The following STON2 variants were observed in gnomAD, a reference collection of about 807,000 sequenced individuals.
STON2 encodes the protein stonin-2.
In STON2, 29 loss-of-function variants were observed where a neutral mutation model predicts 65.7. The observed-to-expected ratio is 0.44, with a 90% CI of 0.33 to 0.60. The LOEUF is 0.60. STON2 is among the 20% of genes least tolerant of loss of function. The pLI is 0.03. For missense variants in STON2, 1,054 were observed against 1,118.1 expected (o/e 0.94, Z 0.82); for synonymous variants, 404 against 414.2 (o/e 0.98, Z 0.30).
chr14:81,391,441 G>A (rs1415136141), intron 3 of STON2, among the ~76,000 whole-genome samples: 2 of 152,116 alleles, frequency 1.3e-5, no homozygotes, highest in African/African-American at 4.8e-5. Context: ...CCATTATGTG[G>A]GGGCAGGAGT....
chr14:81,282,331 C>A (rs768580270), intron 5 of STON2, among the ~76,000 whole-genome samples: 2 of 152,200 alleles, frequency 1.3e-5, no homozygotes, highest in African/African-American at 4.8e-5. Flanking sequence ...CACCTAAAAT[C>A]TGCAGTCAAA....
chr14:81,375,899 T>C (rs994759751), intron 3 of STON2, among the ~76,000 whole-genome samples: 2 of 150,902 alleles, frequency 1.3e-5, no homozygotes, highest in Non-Finnish European at 3.0e-5. Context: ...TTAACTAGTA[T>C]CTAGTTGTCT....
chr14:81,380,279 C>T (rs1244672911), intron 3 of STON2, among the ~76,000 whole-genome samples: 1 of 152,130 alleles, frequency 6.6e-6, no homozygotes, highest in Non-Finnish European at 1.5e-5. Context: ...CAAATCAAAA[C>T]CACAATGAGA....
intron 4 of STON2, among the ~76,000 whole-genome samples, chr14:81,351,737 T>C (rs974619713): frequency 5.9e-5 from 9 of 152,188 alleles, no homozygotes; most frequent in Non-Finnish European, 1.3e-4. Context: ...AGTTCCCCAG[T>C]CCAGGCCACC....
At chr14:81,433,027 A>G (rs1023050202) in intron 1 of STON2, among the ~76,000 whole-genome samples, 4 of 152,220 alleles carry the variant, frequency 2.6e-5, no homozygotes, top group Admixed American at 2.6e-4. Flanking sequence ...GACCAGACTG[A>G]CTGATTCAGG....
chr14:81,374,673 C>T (rs916227529), intron 3 of STON2, among the ~76,000 whole-genome samples: 1 of 151,696 alleles, frequency 6.6e-6, no homozygotes, highest in Non-Finnish European at 1.5e-5. Flanking sequence ...ACTGTAAATA[C>T]AAAATTGAAT....
intron 3 of STON2, among the ~76,000 whole-genome samples, chr14:81,378,011 C>T (rs901077487): frequency 7.9e-5 from 12 of 152,002 alleles, no homozygotes; most frequent in Non-Finnish European, 1.5e-4. Context: ...CCACGCCTGG[C>T]TAATTTTGTA....
intron 5 of STON2, among the ~76,000 whole-genome samples, chr14:81,302,503 G>A (rs1362983444): frequency 6.6e-6 from 1 of 152,210 alleles, no homozygotes; most frequent in Admixed American, 6.5e-5. Context: ...TGTTTGCAAG[G>A]CTGACTGGTT....
intron 4 of STON2, among the ~76,000 whole-genome samples, chr14:81,370,686 G>A (rs1898942726): frequency 6.6e-6 from 1 of 152,174 alleles, no homozygotes; most frequent in Non-Finnish European, 1.5e-5. Context: ...AGTAATTCCA[G>A]GAGAAAATAA....
intron 5 of STON2, among the ~76,000 whole-genome samples, chr14:81,294,537 A>T (rs1229832363): frequency 6.6e-6 from 1 of 152,240 alleles, no homozygotes; most frequent in East Asian, 1.9e-4. Context: ...CTATTGAGAT[A>T]ATAATAGTAC....
At chr14:81,390,186 T>A (rs1211143517) in intron 3 of STON2, among the ~76,000 whole-genome samples, 1 of 141,910 alleles carries the variant, frequency 7.0e-6, no homozygotes, top group Non-Finnish European at 1.5e-5. Context: ...AGAGTGAGAC[T>A]CCATTTCAAA....
chr14:81,343,381 G>A (rs528298999), intron 4 of STON2, among the ~76,000 whole-genome samples: 2 of 152,154 alleles, frequency 1.3e-5, no homozygotes, highest in African/African-American at 2.4e-5. Flanking sequence ...CCTGGGGAGG[G>A]GGAGAGGGGA....
intron 5 of STON2, among the ~76,000 whole-genome samples, chr14:81,298,131 A>G (rs1211698133): frequency 1.3e-5 from 2 of 152,236 alleles, no homozygotes; most frequent in Non-Finnish European, 2.9e-5. Flanking sequence ...ATCTGTAATT[A>G]GAAAGAAAAA....
At chr14:81,397,122 A>G (rs1214839652) in intron 2 of STON2, among the ~76,000 whole-genome samples, 1 of 152,216 alleles carries the variant, frequency 6.6e-6, no homozygotes, top group Non-Finnish European at 1.5e-5. Context: ...AAATGTATAC[A>G]TGTGCTGAAA....
chr14:81,277,364 C>A lies in STON2; in HGVS notation c.2118G>T (p.Gly706=). ...TGTGGAAAACATCCTCATCCACACA[C>A]CCATGGAAACGGCACTCATGGAGCT... ...WIKLHECRFH[G]CVDEDVFHNS... Residue 706 remains glycine, a synonymous_variant, in exon 6 of 8, where the codon GGG becomes GGT. Transcript: ENST00000614646. 1 of 1,614,178 alleles carries A rather than the reference C, an allele frequency of 6.2e-7. No homozygotes were observed. The highest frequency in any genetic ancestry group is 8.5e-7 in the Non-Finnish European group (1 of 1,180,034).
rs1019585193 is a variant in STON2 at position 81,266,164 on chromosome 14, T to C, written c.*2250A>G. 1 of 917,206 alleles carries C rather than the reference T, an allele frequency of 1.1e-6. No homozygotes were observed. Among genetic ancestry groups the C allele is most frequent in the African/African-American group, 1.8e-5 (1 of 55,778 alleles). 56.8% of individuals were successfully genotyped at this position (917,206 alleles called of 1,614,324 possible). On this transcript the variant is annotated 3_prime_UTR_variant, in exon 8 of 8. Transcript: ENST00000614646. ...TTTAGAAGGAATCTTGGTAGACATATAGACCAAATCCAATGTAAGATTCCC... is the reference window on the plus strand; with the variant it reads ...TTTAGAAGGAATCTTGGTAGACATACAGACCAAATCCAATGTAAGATTCCC...
At chr14:81,303,054 T>TGG (rs139986169) in intron 5 of STON2, among the ~76,000 whole-genome samples, 26 of 143,810 alleles carry the variant, frequency 1.8e-4, no homozygotes, top group East Asian at 7.9e-4. Flanking sequence ...TGTACATGTG[T>TGG]GGGGGGTGTG....
rs564816474 is a variant in STON2 at position 81,310,828 on chromosome 14, GGAATGGAGCTTTTA to G, written c.742+13175_742+13188del. ...TCCCCTCAAGCCTGAAAGTCCAGAGGGAATGGAGCTTTTAGGAAGTTTGATATTTGACCTTTGAC... is the reference window on the plus strand; with the variant it reads ...TCCCCTCAAGCCTGAAAGTCCAGAGGGGAAGTTTGATATTTGACCTTTGAC... On this transcript the variant is annotated intron_variant, in intron 5 of 7. Coordinates refer to ENST00000614646, the MANE Select transcript of STON2 (RefSeq NM_001394390.1). 2.2e-3 allele frequency among the ~76,000 whole-genome samples: 339 copies of G among 152,206 alleles called. 2 individuals carry two copies. The highest frequency in any genetic ancestry group is 7.8e-3 in the African/African-American group (323 of 41,530).
chr14:81,360,756 C>A (rs892779416), intron 4 of STON2, among the ~76,000 whole-genome samples: 11 of 152,050 alleles, frequency 7.2e-5, no homozygotes, highest in African/African-American at 2.7e-4. Flanking sequence ...ATAACATAAT[C>A]TTCCATATAG....
Sources: gnomAD v4.1 joint callset for allele counts (sites outside exome capture counted in the v4.1 genomes callset) on GRCh38, gnomAD v4.1.1 for gene constraint, MANE v1.5 for transcripts, NCBI Gene and HGNC (gene_info 2026-07-23, HGNC 2026-07-21) for gene names.